GNAI1: variants seen among roughly 807,000 people sequenced by gnomAD.
GNAI1 encodes G protein subunit alpha i1, also known as guanine nucleotide-binding protein G(i) subunit alpha-1.
GNAI1 carries 11 observed loss-of-function variants against 38.9 expected under a neutral mutation model. The ratio of observed to expected loss-of-function variants is 0.28; its 90% CI spans 0.18 to 0.47. The LOEUF is 0.47. GNAI1 is among the 20% of genes least tolerant of loss of function. The pLI, the probability that GNAI1 is intolerant of heterozygous loss-of-function variation, is 0.99. For synonymous variants in GNAI1, 166 were observed against 145.1 expected, an observed-to-expected ratio of 1.14 and a Z score of -1.04; for missense variants, 317 against 436.9, an observed-to-expected ratio of 0.73 and a Z score of 2.45.
intron 4 of GNAI1, among the ~76,000 whole-genome samples, chr7:80,203,070 A>G (rs1788716792): frequency 6.6e-6 from 1 of 152,218 alleles, no homozygotes; most frequent in African/African-American, 2.4e-5. Flanking sequence ...CTTACATTGC[A>G]TGGTATGATA....
intron 3 of GNAI1, among the ~76,000 whole-genome samples, chr7:80,197,059 T>C (rs1338691749): frequency 6.6e-6 from 1 of 151,820 alleles, no homozygotes; most frequent in East Asian, 1.9e-4. Context: ...TTGTATTCTT[T>C]CAATATGTCT....
chr7:80,209,453 A>AT (rs1440152774), intron 5 of GNAI1, among the ~76,000 whole-genome samples: 1 of 152,286 alleles, frequency 6.6e-6, no homozygotes, highest in African/African-American at 2.4e-5. Context: ...CTGTTGTATT[A>AT]TTAAGGATAG....
At chr7:80,160,808 A>T (rs1355177907) in intron 1 of GNAI1, among the ~76,000 whole-genome samples, 1 of 152,160 alleles carries the variant, frequency 6.6e-6, no homozygotes, top group Non-Finnish European at 1.5e-5. Context: ...GGCAAAAAGT[A>T]TATTTTTTAT....
At chr7:80,176,159 C>G (rs776932628) in intron 1 of GNAI1, among the ~76,000 whole-genome samples, 2 of 152,154 alleles carry the variant, frequency 1.3e-5, no homozygotes, top group African/African-American at 4.8e-5. Context: ...GTGAAACAGC[C>G]TTATTGCTGA....
Position 80,144,229 on chromosome 7 carries a change from C to CT in GNAI1, c.118+8965dup, listed in dbSNP as rs201484148. Among the ~76,000 whole-genome samples the CT allele has an allele frequency of 6.1e-3, 853 of 140,346 alleles. 2 individuals are homozygous for CT. Among genetic ancestry groups the CT allele is most frequent in the East Asian group, 0.017 (84 of 4,882 alleles). 92.1% of individuals were successfully genotyped at this position (140,346 alleles called of 152,430 possible). ...AATTAGTGCAGTGGCTTTTTGCAAA[C>CT]TTTTTTTTTTTTTTGGAAAATAAAG... On this transcript the variant is annotated intron_variant, in intron 1 of 7. Transcript: ENST00000649796.
At chr7:80,145,509 C>A (rs538533853) in intron 1 of GNAI1, among the ~76,000 whole-genome samples, 4 of 152,050 alleles carry the variant, frequency 2.6e-5, no homozygotes. Context: ...TCATTTTTAT[C>A]CAGTTGGTAA....
chr7:80,191,810 A>G (rs1279627036), intron 3 of GNAI1, among the ~76,000 whole-genome samples: 1 of 152,244 alleles, frequency 6.6e-6, no homozygotes, highest in African/African-American at 2.4e-5. Context: ...CTTTCTGAAG[A>G]AAAGCAACAT....
chr7:80,167,805 CTT>C (rs1206938948), intron 1 of GNAI1, among the ~76,000 whole-genome samples: 2 of 152,210 alleles, frequency 1.3e-5, no homozygotes, highest in East Asian at 3.8e-4. Flanking sequence ...AGTCTTCTCT[CTT>C]TTATGCAGTA....
At chr7:80,148,598 T>A (rs2116092488) in intron 1 of GNAI1, among the ~76,000 whole-genome samples, 1 of 152,220 alleles carries the variant, frequency 6.6e-6, no homozygotes, top group East Asian at 1.9e-4. Flanking sequence ...GCAACTTAAC[T>A]TTTAAAAATA....
At chr7:80,166,786 A>G (rs1056664562) in intron 1 of GNAI1, among the ~76,000 whole-genome samples, 6 of 152,216 alleles carry the variant, frequency 3.9e-5, no homozygotes, top group African/African-American at 1.2e-4. Flanking sequence ...TTACAAATGA[A>G]TCTTCTACAT....
intron 1 of GNAI1, among the ~76,000 whole-genome samples, chr7:80,169,158 T>C (rs1374731959): frequency 6.6e-6 from 1 of 152,238 alleles, no homozygotes; most frequent in African/African-American, 2.4e-5. Flanking sequence ...GAACTGTGTC[T>C]TGACAGATGA....
intron 7 of GNAI1, among the ~76,000 whole-genome samples, chr7:80,214,082 A>C (rs1788918730): frequency 6.6e-6 from 1 of 152,146 alleles, no homozygotes; most frequent in South Asian, 2.1e-4. Flanking sequence ...ACCATGAACG[A>C]CTAGGCTACA....
At chr7:80,192,362 C>A (rs959838447) in intron 3 of GNAI1, among the ~76,000 whole-genome samples, 1 of 152,040 alleles carries the variant, frequency 6.6e-6, no homozygotes, top group East Asian at 1.9e-4. Context: ...TTTATAATAT[C>A]TTTTGCCTAA....
At chr7:80,144,808 A>G (rs192144005) in intron 1 of GNAI1, among the ~76,000 whole-genome samples, 221 of 152,322 alleles carry the variant, frequency 1.5e-3, no homozygotes, top group African/African-American at 5.0e-3. Flanking sequence ...AATTCCAAGA[A>G]TTACATTTAT....
chr7:80,223,875 T>A lies in GNAI1; in HGVS notation c.*6382T>A, dbSNP rs1433746742. On this transcript the variant is annotated 3_prime_UTR_variant, in exon 8 of 8. Transcript: ENST00000649796. ...AACATAGTAAGTTACAAATTTTAAC[T>A]ATGAATCTTCTTCTTCGAAAGGAAT... Among the ~76,000 whole-genome samples, 1 of 152,220 alleles carries A rather than the reference T, an allele frequency of 6.6e-6. No homozygotes were observed. Among genetic ancestry groups the A allele is most frequent in the South Asian group, 2.1e-4 (1 of 4,826 alleles).
chr7:80,140,235 C>T (rs1292139328), intron 1 of GNAI1, among the ~76,000 whole-genome samples: 2 of 151,958 alleles, frequency 1.3e-5, no homozygotes, highest in Non-Finnish European at 2.9e-5. Flanking sequence ...CCGCCTGCCG[C>T]GGCCTCCCAA....
intron 1 of GNAI1, among the ~76,000 whole-genome samples, chr7:80,179,654 CA>C (rs1294601493): frequency 1.3e-5 from 2 of 152,114 alleles, no homozygotes; most frequent in African/African-American, 4.8e-5. Context: ...AACAATTTAC[CA>C]TATCACCATT....
chr7:80,224,117 AACC>A lies in GNAI1; in HGVS notation c.*6627_*6629del, dbSNP rs1310352048. On this transcript the variant is annotated 3_prime_UTR_variant, in exon 8 of 8. Transcript: ENST00000649796. Reference sequence around the variant, plus strand: ...TACTCATATAGTAAGATTTACTCAAAACCACGAACTCCTCCATTATTTAAAATA... The same window carrying A: ...TACTCATATAGTAAGATTTACTCAAAACGAACTCCTCCATTATTTAAAATA... Among the ~76,000 whole-genome samples the A allele has an allele frequency of 2.0e-5, 3 of 152,200 alleles. No individual in the cohort carries two copies. Among genetic ancestry groups the A allele is most frequent in the African/African-American group, 7.2e-5 (3 of 41,456 alleles).
At chr7:80,199,100 C>A in intron 3 of GNAI1, 125 bp from the exon 4 acceptor site, 1 of 622,074 alleles carries the variant, frequency 1.6e-6, no homozygotes, top group Non-Finnish European at 2.7e-6. Flanking sequence ...AAAGTAATGA[C>A]GTGTTAATAA....
Sources: gnomAD v4.1 joint callset for allele counts (sites outside exome capture counted in the v4.1 genomes callset) on GRCh38, gnomAD v4.1.1 for gene constraint, MANE v1.5 for transcripts, NCBI Gene and HGNC (gene_info 2026-07-23, HGNC 2026-07-21) for gene names.